The following WHAMM variants were observed in gnomAD, a reference collection of about 807,000 sequenced individuals.
WHAMM encodes WASP homolog-associated protein with actin, membranes and microtubules.
A neutral mutation model predicts 76.5 loss-of-function variants in WHAMM; 67 were observed. The ratio of observed to expected loss-of-function variants is 0.88; its 90% CI spans 0.72 to 1.07. The LOEUF (loss-of-function observed/expected upper bound fraction) is 1.07. Ranked by LOEUF, WHAMM falls within the 50% of genes least tolerant of loss-of-function variation. The pLI is 0.00. For missense variants in WHAMM, 1,021 were observed against 1,051.1 expected, an observed-to-expected ratio of 0.97 and a Z score of 0.40; for synonymous variants, 419 against 422.1, an observed-to-expected ratio of 0.99 and a Z score of 0.09.
chr15:82,830,310 A>G (rs529066149), intron 8 of WHAMM, among the ~76,000 whole-genome samples: 109 of 151,302 alleles, frequency 7.2e-4, no homozygotes, highest in Non-Finnish European at 1.4e-3. Context: ...TAGCATTTCT[A>G]ATTTTCCATA....
chr15:82,830,111 T>C (rs910521660), intron 8 of WHAMM, among the ~76,000 whole-genome samples: 1 of 152,134 alleles, frequency 6.6e-6, no homozygotes, highest in African/African-American at 2.4e-5. Context: ...TAATACATAC[T>C]ATTTTATATC....
chr15:82,814,682 C>A (rs1281969621), intron 2 of WHAMM, among the ~76,000 whole-genome samples: 1 of 151,802 alleles, frequency 6.6e-6, no homozygotes, highest in Non-Finnish European at 1.5e-5. Context: ...GAACTCCCGA[C>A]CTCAGGTGAT....
At chr15:82,833,030 A>G (rs549989489) in intron 9 of WHAMM, among the ~76,000 whole-genome samples, 199 bp from the exon 10 acceptor site, 1 of 152,350 alleles carries the variant, frequency 6.6e-6, no homozygotes, top group East Asian at 1.9e-4. Flanking sequence ...GGTTAAGCTA[A>G]AACATGAGCT....
chr15:82,823,525 C>A (rs1477532656), intron 6 of WHAMM, among the ~76,000 whole-genome samples: 1 of 152,030 alleles, frequency 6.6e-6, no homozygotes, highest in Non-Finnish European at 1.5e-5. Context: ...CATTCAACAA[C>A]TATTTGTTGA....
Position 82,810,240 on chromosome 15 carries a change from G to T in WHAMM, c.514G>T (p.Ala172Ser). ...CACAGTGCGCGACGCACTCTTCCCG[G>T]CTGAGGGCGGCGCGGCCGACTGCGA... is the stretch of plus-strand genomic sequence containing the variant. ...GATVRDALFP[A>S]EGGAADCESP... is the part of the protein sequence containing the mutation. The change falls in exon 1 of 10, where the codon GCT becomes TCT. Residue 172 changes from alanine to serine, a missense_variant. By Grantham distance (99) the Ala-to-Ser change is moderately conservative. Transcript: ENST00000286760. 7.1e-7 allele frequency: 1 copy of T among 1,402,418 alleles called. No individual in the cohort carries two copies. The highest frequency in any genetic ancestry group is 9.3e-7 in the Non-Finnish European group (1 of 1,078,998). 86.9% of individuals were successfully genotyped at this position (1,402,418 alleles called of 1,614,324 possible).
intron 4 of WHAMM, among the ~76,000 whole-genome samples, chr15:82,818,973 A>G (rs1044408518): frequency 3.3e-5 from 5 of 152,240 alleles, no homozygotes; most frequent in African/African-American, 1.2e-4. Flanking sequence ...TGGGGGTGCT[A>G]TCCTTTTGAC....
chr15:82,819,525 A>G (rs2050784433), intron 5 of WHAMM, 37 bp downstream of exon 5: 4 of 1,059,746 alleles, frequency 3.8e-6, no homozygotes, highest in East Asian at 3.5e-5. Flanking sequence ...TGTTTAAATT[A>G]TAAATTTAAG....
At chr15:82,824,162 C>CTTTTTTTTTTTTTTTTTTTTTTTTTTTT (rs71156055) in intron 6 of WHAMM, among the ~76,000 whole-genome samples, 1 of 118,080 alleles carries the variant, frequency 8.5e-6, no homozygotes, top group Non-Finnish European at 1.7e-5. Flanking sequence ...TACTTTTCTC[C>CTTTTTTTTTTTTTTTTTTTTTTTTTTTT]TTTTTTTTTT....
intron 5 of WHAMM, among the ~76,000 whole-genome samples, chr15:82,821,970 A>C (rs2050835877): frequency 6.6e-6 from 1 of 152,204 alleles, no homozygotes; most frequent in African/African-American, 2.4e-5. Context: ...GTTTCAGGTT[A>C]TAAGCATTTT....
chr15:82,828,171 C>G (rs369036755), intron 8 of WHAMM, among the ~76,000 whole-genome samples: 52 of 152,278 alleles, frequency 3.4e-4, no homozygotes, highest in African/African-American at 1.2e-3. Context: ...TCACTTAGTT[C>G]TTGAAACAGC....
At position 82,826,845 on chromosome 15, in the gene WHAMM, A is replaced by ATG. The variant is rs2050944470; in HGVS notation, c.1641+1_1641+2dup. On this transcript the variant is annotated frameshift_variant and splice_region_variant, in exon 8 of 10. Transcript: ENST00000286760. LOFTEE classifies it high-confidence loss of function. The stretch of plus-strand genomic sequence containing the variant: ...CTCCAACGATTGAGATCATTTAAAG[A>ATG]TGTAAGTTCTATAAACAATCACCTC... 6.9e-7 allele frequency: 1 copy of ATG among 1,446,364 alleles called. No individual in the cohort carries two copies. The highest frequency in any genetic ancestry group is 9.2e-7 in the Non-Finnish European group (1 of 1,091,536). The allele number at this position is 1,446,364 out of a possible 1,614,324, so 89.6% of individuals were successfully genotyped here.
intron 8 of WHAMM, among the ~76,000 whole-genome samples, chr15:82,827,907 T>C (rs139367537): frequency 1.2e-4 from 19 of 152,084 alleles, no homozygotes; most frequent in African/African-American, 4.3e-4. Flanking sequence ...CTTGCGCCAC[T>C]GCACTCCAGC....
rs539438910 is a variant in WHAMM, at chr15:82,828,596, C to T, written c.1641+1750C>T. 2.6e-5 allele frequency among the ~76,000 whole-genome samples: 4 copies of T among 152,256 alleles called. No homozygotes were observed. In the East Asian group the frequency reaches 7.7e-4, roughly 29 times the overall value. On this transcript the variant is annotated intron_variant, in intron 8 of 9. Transcript: ENST00000286760. ...GCAACCAGCCCATCTCCTCAGGCCTCACTCAGATCAAGGAATTGTTTGGCA... is the reference window on the plus strand; with the variant it reads ...GCAACCAGCCCATCTCCTCAGGCCTTACTCAGATCAAGGAATTGTTTGGCA...
At chr15:82,822,890 TAC>T (rs1012069656) in intron 5 of WHAMM, among the ~76,000 whole-genome samples, 8 of 149,344 alleles carry the variant, frequency 5.4e-5, no homozygotes, top group African/African-American at 1.0e-4. Flanking sequence ...TACATGGATA[TAC>T]ACACATGCTA....
At chr15:82,830,545 AT>A in intron 8 of WHAMM, 53 bp from the exon 9 acceptor site, 4 of 1,570,758 alleles carry the variant, frequency 2.5e-6, no homozygotes, top group Non-Finnish European at 3.5e-6. Flanking sequence ...AAGTTTCAGC[AT>A]TTTGATGGTT....
chr15:82,833,245 GT>G lies in WHAMM; in HGVS notation c.2141del (p.Leu714TrpfsTer4), dbSNP rs1236285662. 1 of 1,613,680 alleles carries G rather than the reference GT, an allele frequency of 6.2e-7. No individual in the cohort carries two copies. Among genetic ancestry groups the G allele is most frequent in the Non-Finnish European group, 8.5e-7 (1 of 1,179,824 alleles). On this transcript the variant is annotated frameshift_variant, in exon 10 of 10. Coordinates refer to ENST00000286760, the MANE Select transcript of WHAMM (RefSeq NM_001080435.3). LOFTEE classifies it low-confidence loss of function (END_TRUNC). ...CAATTTCAGGATCTATGGATGAAGTGTTGGCCTCCTTAAGGCATGGCAGAGC... is the reference window on the plus strand; with the variant it reads ...CAATTTCAGGATCTATGGATGAAGTGTGGCCTCCTTAAGGCATGGCAGAGC... ...FSCPGSMDEV[L>X]ASLRHGRAPL...
Position 82,826,860 on chromosome 15 carries a change from A to ATACGGC in WHAMM, c.1641+14_1641+15insTACGGC. On this transcript the variant is annotated intron_variant, in intron 8 of 9. Transcript: ENST00000286760. ...TCATTTAAAGATGTAAGTTCTATAAACAATCACCTCATCTACACTTCTGGG... is the reference window on the plus strand; with the variant it reads ...TCATTTAAAGATGTAAGTTCTATAAATACGGCCAATCACCTCATCTACACTTCTGGG... 1.4e-6 allele frequency: 2 copies of ATACGGC among 1,477,170 alleles called. No individual in the cohort carries two copies. Among genetic ancestry groups the ATACGGC allele is most frequent in the Non-Finnish European group, 1.8e-6 (2 of 1,110,508 alleles). The allele number at this position is 1,477,170 out of a possible 1,614,324, so 91.5% of individuals were successfully genotyped here. A position where few individuals can be genotyped will look rare whatever the true frequency, so the allele number is the denominator to read the frequency against.
chr15:82,824,626 C>T (rs1471151237), intron 6 of WHAMM, among the ~76,000 whole-genome samples: 1 of 150,960 alleles, frequency 6.6e-6, no homozygotes, highest in Non-Finnish European at 1.5e-5. Context: ...TGGCCACACC[C>T]GGCTAATTTT....
At chr15:82,822,871 T>C (rs531007014) in intron 5 of WHAMM, among the ~76,000 whole-genome samples, 12 of 151,894 alleles carry the variant, frequency 7.9e-5, no homozygotes, top group South Asian at 2.1e-4. Flanking sequence ...TATGTATACA[T>C]GCATACACTA....
Sources: gnomAD v4.1 joint callset for allele counts (sites outside exome capture counted in the v4.1 genomes callset) on GRCh38, gnomAD v4.1.1 for gene constraint, MANE v1.5 for transcripts, NCBI Gene and HGNC (gene_info 2026-07-23, HGNC 2026-07-21) for gene names.